WWP1: variants seen among roughly 807,000 people sequenced by gnomAD.
WWP1 encodes the protein NEDD4-like E3 ubiquitin-protein ligase WWP1.
In WWP1, 49 loss-of-function variants were observed where a neutral mutation model predicts 130.6. The ratio of observed to expected loss-of-function variants is 0.38; its 90% CI spans 0.30 to 0.48. The LOEUF (loss-of-function observed/expected upper bound fraction) is 0.48. Ranked by LOEUF, WWP1 falls within the 20% of genes least tolerant of loss-of-function variation. WWP1 has a pLI of 0.99. For missense variants in WWP1, 809 were observed against 1,100.6 expected, an observed-to-expected ratio of 0.74 and a Z score of 3.75; for synonymous variants, 332 against 367.8, an observed-to-expected ratio of 0.90 and a Z score of 1.11.
rs553087525 is a variant in WWP1, at chr8:86,368,161, C to CT, written c.-114-777dup. 3.3e-4 allele frequency among the ~76,000 whole-genome samples: 51 copies of CT among 152,254 alleles called. No individual in the cohort carries two copies. In the South Asian group the frequency reaches 0.01, roughly 30 times the overall value. ...GAGTCTTTACTTCGTGTCATATACT[C>CT]TAAGTGCTAAGTGTTTTACATGTAT... On this transcript the variant is annotated intron_variant, in intron 1 of 24. Coordinates refer to ENST00000517970, the MANE Select transcript of WWP1 (RefSeq NM_007013.4).
At chr8:86,391,935 A>G (rs1807369663) in intron 5 of WWP1, among the ~76,000 whole-genome samples, 1 of 152,194 alleles carries the variant, frequency 6.6e-6, no homozygotes, top group Admixed American at 6.5e-5. Flanking sequence ...GGAAGGATTT[A>G]CCATTGTAAG....
intron 1 of WWP1, among the ~76,000 whole-genome samples, chr8:86,358,181 C>T (rs573355527): frequency 1.1e-3 from 166 of 152,052 alleles, no homozygotes; most frequent in Non-Finnish European, 1.3e-3. Flanking sequence ...TTGTATTGGA[C>T]GTTTTTCTAT....
chr8:86,401,935 G>T (rs1224893152), intron 7 of WWP1, 84 bp from the exon 8 acceptor site: 21 of 1,278,528 alleles, frequency 1.6e-5, no homozygotes, highest in Non-Finnish European at 1.5e-5. Context: ...AAACTTAAGA[G>T]AATTTAGTAA....
intron 5 of WWP1, among the ~76,000 whole-genome samples, chr8:86,394,896 T>C (rs1807565632): frequency 7.1e-6 from 1 of 140,684 alleles, no homozygotes; most frequent in South Asian, 2.2e-4. Context: ...CTTTGTGGCG[T>C]TGATGATTTT....
At chr8:86,345,761 A>T (rs1443602289) in intron 1 of WWP1, among the ~76,000 whole-genome samples, 3 of 152,142 alleles carry the variant, frequency 2.0e-5, no homozygotes, top group Non-Finnish European at 4.4e-5. Flanking sequence ...CTGTGTACTG[A>T]TAAGAACTCT....
intron 9 of WWP1, among the ~76,000 whole-genome samples, chr8:86,420,773 A>G (rs955625611): frequency 6.6e-6 from 1 of 152,204 alleles, no homozygotes; most frequent in African/African-American, 2.4e-5. Flanking sequence ...GAAGGTATAT[A>G]TAATTATATA....
At chr8:86,348,235 T>C (rs7843272) in intron 1 of WWP1, among the ~76,000 whole-genome samples, 22,286 of 151,996 alleles carry the variant, frequency 0.15, 1,779 homozygotes, top group Non-Finnish European at 0.19. Flanking sequence ...TTTTTTTTTT[T>C]GAGACGGAGT....
intron 1 of WWP1, among the ~76,000 whole-genome samples, chr8:86,349,888 G>GC (rs1822818061): frequency 6.6e-6 from 1 of 151,964 alleles, no homozygotes; most frequent in South Asian, 2.1e-4. Flanking sequence ...CCACAGATGG[G>GC]CAGAGATCGA....
intron 2 of WWP1, among the ~76,000 whole-genome samples, chr8:86,370,517 A>G (rs1261696059): frequency 1.3e-5 from 2 of 152,176 alleles, no homozygotes; most frequent in African/African-American, 4.8e-5. Flanking sequence ...GCAGTTCTTT[A>G]CTGGGCTTCT....
At chr8:86,379,140 C>T (rs765357652) in intron 3 of WWP1, among the ~76,000 whole-genome samples, 1 of 152,096 alleles carries the variant, frequency 6.6e-6, no homozygotes, top group African/African-American at 2.4e-5. Flanking sequence ...TATATGAGCA[C>T]TTTTATTCAA....
At chr8:86,419,868 TG>T (rs1563514868) in intron 9 of WWP1, among the ~76,000 whole-genome samples, 1 of 152,206 alleles carries the variant, frequency 6.6e-6, no homozygotes, top group African/African-American at 2.4e-5. Context: ...ATAATCAGAA[TG>T]GCATCAGATT....
chr8:86,389,352 A>C (rs1825480216), intron 5 of WWP1, among the ~76,000 whole-genome samples: 1 of 152,128 alleles, frequency 6.6e-6, no homozygotes, highest in Admixed American at 6.6e-5. Context: ...AGGGAGTGTG[A>C]TGACTCTTAA....
intron 20 of WWP1, among the ~76,000 whole-genome samples, chr8:86,448,774 A>C (rs1194741379): frequency 6.6e-6 from 1 of 152,088 alleles, no homozygotes; most frequent in Non-Finnish European, 1.5e-5. Flanking sequence ...CTGTTTCTTG[A>C]AACTCAGTGT....
chr8:86,359,846 G>T (rs1340883133), intron 1 of WWP1, among the ~76,000 whole-genome samples: 1 of 151,936 alleles, frequency 6.6e-6, no homozygotes, highest in African/African-American at 2.4e-5. Context: ...TCAGGAGATC[G>T]AGACCATCCT....
At position 86,402,124 on chromosome 8, in the gene WWP1, A is replaced by C; in HGVS notation, c.645A>C (p.Ser215=). 5.6e-6 allele frequency: 9 copies of C among 1,614,200 alleles called. No individual in the cohort carries two copies. Among genetic ancestry groups the C allele is most frequent in the Non-Finnish European group, 7.6e-6 (9 of 1,180,030 alleles). ...TAGTTAATGGAGACAACACACCTTC[A>C]TCTCCGTCTCAGGTTGCTGCCAGAC... ...SYVVNGDNTP[S]SPSQVAARPK... Residue 215 remains serine (S), a synonymous_variant, in exon 8 of 25, where the codon TCA becomes TCC. Coordinates refer to ENST00000517970, the MANE Select transcript of WWP1 (RefSeq NM_007013.4).
intron 17 of WWP1, among the ~76,000 whole-genome samples, chr8:86,441,544 G>A (rs2130720310): frequency 6.6e-6 from 1 of 152,320 alleles, no homozygotes; most frequent in Non-Finnish European, 1.5e-5. Context: ...TTATGCTTAA[G>A]AATGAAGATT....
chr8:86,420,878 AAC>A (rs1361752121), intron 9 of WWP1, among the ~76,000 whole-genome samples: 1 of 152,242 alleles, frequency 6.6e-6, no homozygotes, highest in Non-Finnish European at 1.5e-5. Flanking sequence ...TTTGTGAAGA[AAC>A]AGTTGAAACC....
chr8:86,399,822 AG>A (rs1279790417), intron 7 of WWP1, among the ~76,000 whole-genome samples: 1 of 152,102 alleles, frequency 6.6e-6, no homozygotes, highest in African/African-American at 2.4e-5. Context: ...TTGGCTGGGG[AG>A]GGGTATACAA....
intron 9 of WWP1, among the ~76,000 whole-genome samples, chr8:86,424,118 A>G (rs532397997): frequency 1.4e-5 from 2 of 147,306 alleles, no homozygotes; most frequent in Non-Finnish European, 3.0e-5. Flanking sequence ...GGGGCTCCTC[A>G]CTTCTCAGAT....
Sources: allele counts gnomAD v4.1 joint callset (sites outside exome capture counted in the v4.1 genomes callset), GRCh38; gene constraint gnomAD v4.1.1; transcripts MANE v1.5; gene names NCBI Gene and HGNC (gene_info 2026-07-23, HGNC 2026-07-21).